CUX2: variants seen among roughly 807,000 people sequenced by gnomAD.
The protein encoded by CUX2 is homeobox protein cut-like 2.
In CUX2, 40 loss-of-function variants were observed where a neutral mutation model predicts 144.8. The ratio of observed to expected loss-of-function variants is 0.28; its 90% CI spans 0.21 to 0.36. The LOEUF (loss-of-function observed/expected upper bound fraction) is 0.36. Ranked by LOEUF, CUX2 falls within the 10% of genes least tolerant of loss-of-function variation. The probability of loss-of-function intolerance (pLI) is 1.00; values close to 1 mark genes in which losing one functional copy is unlikely to be tolerated. For missense variants in CUX2, 1,615 were observed against 1,994.0 expected (o/e 0.81, Z 3.62); for synonymous variants, 827 against 875.6 (o/e 0.94, Z 0.98).
chr12:111,264,378 T>C (rs12307445), intron 4 of CUX2, among the ~76,000 whole-genome samples: 11,462 of 152,152 alleles, frequency 0.075, 933 homozygotes, highest in African/African-American at 0.2. Context: ...TGGCCATCAA[T>C]GGATGGATGC....
intron 3 of CUX2, among the ~76,000 whole-genome samples, chr12:111,245,586 C>G (rs1040670639): frequency 6.6e-6 from 1 of 152,100 alleles, no homozygotes; most frequent in Non-Finnish European, 1.5e-5. Context: ...TACACCACTG[C>G]ACCAGTCTGG....
chr12:111,148,722 C>T (rs939947706), intron 1 of CUX2, among the ~76,000 whole-genome samples: 2 of 152,096 alleles, frequency 1.3e-5, no homozygotes, highest in East Asian at 3.9e-4. Context: ...GGGGCTGGGC[C>T]CGGTGGCTTA....
chr12:111,299,370 G>A (rs77192676), intron 9 of CUX2, among the ~76,000 whole-genome samples: 2,166 of 152,348 alleles, frequency 0.014, 54 homozygotes, highest in African/African-American at 0.049. Flanking sequence ...CAGGTAGAAG[G>A]CTCAGCAGGA....
At chr12:111,132,040 C>T (rs1875516539) in intron 1 of CUX2, among the ~76,000 whole-genome samples, 1 of 152,218 alleles carries the variant, frequency 6.6e-6, no homozygotes, top group South Asian at 2.1e-4. Flanking sequence ...CCCTAGCAAA[C>T]GTTCTCCATG....
rs956434405 is a variant in CUX2 at position 111,034,860 on chromosome 12, GGCC to G, written c.63+636_63+638del. The stretch of plus-strand genomic sequence containing the variant: ...CAGCCCGGACGCGCCGCCACCCGGG[GGCC>G]GCCGCCGCCGCCGCCAGAGCCGCCG... On this transcript the variant is annotated intron_variant, in intron 1 of 21. Coordinates refer to ENST00000261726, the MANE Select transcript of CUX2 (RefSeq NM_015267.4). The surrounding 1 kb of genome is among the most constrained non-coding windows in gnomAD (Gnocchi z 4.2). Among the ~76,000 whole-genome samples, 1 of 148,772 alleles carries G rather than the reference GGCC, an allele frequency of 6.7e-6. No homozygotes were observed. The highest frequency in any genetic ancestry group is 1.5e-5 in the Non-Finnish European group (1 of 66,780).
At position 111,322,662 on chromosome 12, in the gene CUX2, C is replaced by T. The variant is rs183177748; in HGVS notation, c.2926+82C>T. On this transcript the variant is annotated intron_variant, in intron 18 of 21. Coordinates refer to ENST00000261726, the MANE Select transcript of CUX2 (RefSeq NM_015267.4). The surrounding 1 kb of genome is among the most constrained non-coding windows in gnomAD (Gnocchi z 4.2). ...GGCATGTCCGCCTGGCTTTACTGCCCGAGTCTACCTATCTCTCCCTCCCTG... is the reference window on the plus strand; with the variant it reads ...GGCATGTCCGCCTGGCTTTACTGCCTGAGTCTACCTATCTCTCCCTCCCTG... 52 of 1,509,960 alleles carry T rather than the reference C, an allele frequency of 3.4e-5. No individual in the cohort carries two copies. The highest frequency in any genetic ancestry group is 7.9e-5 in the Admixed American group (4 of 50,328). 93.5% of individuals were successfully genotyped at this position (1,509,960 alleles called of 1,614,324 possible).
intron 18 of CUX2, among the ~76,000 whole-genome samples, chr12:111,330,728 T>C (rs796955512): frequency 0.017 from 855 of 50,072 alleles, 88 homozygotes; most frequent in African/African-American, 0.068. Context: ...TATATATATA[T>C]ATATATATAT....
At chr12:111,217,868 T>C in intron 2 of CUX2, 22 bp from the exon 3 acceptor site, 1 of 1,614,100 alleles carries the variant, frequency 6.2e-7, no homozygotes, top group Non-Finnish European at 8.5e-7. Context: ...TGTAGTGAAC[T>C]CTTTGCTGAT....
intron 1 of CUX2, among the ~76,000 whole-genome samples, chr12:111,092,958 GGT>G (rs1337197184): frequency 6.6e-6 from 1 of 151,920 alleles, no homozygotes; most frequent in African/African-American, 2.4e-5. Context: ...TGGAACCACA[GGT>G]ACATGCCAAC....
intron 18 of CUX2, among the ~76,000 whole-genome samples, chr12:111,333,525 T>C (rs1276225004): frequency 6.6e-6 from 1 of 152,174 alleles, no homozygotes; most frequent in African/African-American, 2.4e-5. Flanking sequence ...TTCTGAAGAG[T>C]AGAGGCTGTT....
intron 1 of CUX2, chr12:111,099,726 G>A (rs879232796): frequency 6.6e-6 from 3 of 456,086 alleles, no homozygotes; most frequent in Admixed American, 4.7e-5. Context: ...TTTATTGGGC[G>A]CCGAAACTGG....
At chr12:111,337,151 G>A (rs1235126923) in intron 19 of CUX2, among the ~76,000 whole-genome samples, 1 of 151,894 alleles carries the variant, frequency 6.6e-6, no homozygotes, top group Non-Finnish European at 1.5e-5. Flanking sequence ...GTCCAGCCTG[G>A]GTGATAGAGC....
At chr12:111,129,020 G>A (rs925153668) in intron 1 of CUX2, among the ~76,000 whole-genome samples, 4 of 152,294 alleles carry the variant, frequency 2.6e-5, no homozygotes, top group Admixed American at 6.5e-5. Context: ...ATCCAAAGAT[G>A]CCCACTAGGC....
At position 111,307,957 on chromosome 12, in the gene CUX2, ACTCCAT is replaced by A. The variant is rs1468737061; in HGVS notation, c.1110-324_1110-319del. On this transcript the variant is annotated intron_variant, in intron 12 of 21. Coordinates refer to ENST00000261726, the MANE Select transcript of CUX2 (RefSeq NM_015267.4). The surrounding 1 kb of genome is among the most constrained non-coding windows in gnomAD (Gnocchi z 4.1). ...ACTCCAGCCTGGGTGACAGAGTGAG[ACTCCAT>A]CTCAAAGAAAAAAAGAAGCTGCCTG... Among the ~76,000 whole-genome samples the A allele has an allele frequency of 6.6e-6, 1 of 152,068 alleles. No individual in the cohort carries two copies. Among genetic ancestry groups the A allele is most frequent in the Non-Finnish European group, 1.5e-5 (1 of 68,004 alleles).
intron 1 of CUX2, among the ~76,000 whole-genome samples, chr12:111,205,653 G>C (rs779567870): frequency 1.3e-5 from 2 of 152,172 alleles, no homozygotes; most frequent in East Asian, 3.9e-4. Flanking sequence ...CCTGCTTACA[G>C]TCTGGTTCTC....
chr12:111,288,110 C>T (rs1336848082), intron 4 of CUX2, among the ~76,000 whole-genome samples: 1 of 152,038 alleles, frequency 6.6e-6, no homozygotes, highest in East Asian at 1.9e-4. Context: ...AGGAGGGCTT[C>T]CTGGAAGAAG....
At chr12:111,083,353 C>A (rs1037055533) in intron 1 of CUX2, among the ~76,000 whole-genome samples, 1 of 152,020 alleles carries the variant, frequency 6.6e-6, no homozygotes, top group Non-Finnish European at 1.5e-5. Flanking sequence ...GCCAAGGAGA[C>A]CACGAAGGAG....
chr12:111,329,309 G>GCCTCTCCCTGTCGTCGCCTC (rs1486371407), intron 18 of CUX2, among the ~76,000 whole-genome samples: 65 of 151,640 alleles, frequency 4.3e-4, no homozygotes, highest in Non-Finnish European at 3.4e-4. Flanking sequence ...AGAAGACCCT[G>GCCTCTCCCTGTCGTCGCCTC]CCTCTCCCTG....
intron 1 of CUX2, among the ~76,000 whole-genome samples, chr12:111,182,299 A>G (rs1879237558): frequency 6.6e-6 from 1 of 152,236 alleles, no homozygotes; most frequent in African/African-American, 2.4e-5. Flanking sequence ...TCCTCTAAAC[A>G]GAGGACCACT....
Sources: gnomAD v4.1 joint callset for allele counts (sites outside exome capture counted in the v4.1 genomes callset) on GRCh38, gnomAD v4.1.1 for gene constraint, Gnocchi (gnomAD v3.1) non-coding constraint, MANE v1.5 for transcripts, NCBI Gene and HGNC (gene_info 2026-07-23, HGNC 2026-07-21) for gene names.